PRKN: variants seen among roughly 807,000 people sequenced by gnomAD.
PRKN encodes the protein E3 ubiquitin-protein ligase parkin.
In PRKN, 56 loss-of-function variants were observed where a neutral mutation model predicts 59.5. That is an observed-to-expected ratio of 0.94 (90% CI 0.76 to 1.18). The LOEUF is 1.18. Ranked by LOEUF, PRKN falls within the 50% of genes most tolerant of loss-of-function variation. PRKN has a pLI of 0.00. For missense variants in PRKN, 657 were observed against 596.4 expected (o/e 1.10, Z -1.06); for synonymous variants, 250 against 222.1 (o/e 1.13, Z -1.12).
At chr6:161,758,687 A>T (rs1789055920) in intron 7 of PRKN, among the ~76,000 whole-genome samples, 1 of 152,144 alleles carries the variant, frequency 6.6e-6, no homozygotes, top group African/African-American at 2.4e-5. Flanking sequence ...AATATAAACC[A>T]ACATTAGCCA....
At chr6:162,413,278 C>T (rs2128155612) in intron 2 of PRKN, among the ~76,000 whole-genome samples, 1 of 152,260 alleles carries the variant, frequency 6.6e-6, no homozygotes. Context: ...GAAGCCCCAT[C>T]AGCTTCAGAC....
At chr6:161,511,344 T>G (rs1393661018) in intron 9 of PRKN, among the ~76,000 whole-genome samples, 1 of 152,196 alleles carries the variant, frequency 6.6e-6, no homozygotes, top group Non-Finnish European at 1.5e-5. Context: ...TTTAAACTTT[T>G]GCAACAAAAT....
chr6:161,840,293 C>A (rs1192590706), intron 6 of PRKN, among the ~76,000 whole-genome samples: 3 of 152,186 alleles, frequency 2.0e-5, no homozygotes, highest in Non-Finnish European at 4.4e-5. Flanking sequence ...GTTGTGGGGC[C>A]CTGCGTGTTT....
At chr6:162,405,654 C>T (rs1057047975) in intron 2 of PRKN, among the ~76,000 whole-genome samples, 1 of 152,050 alleles carries the variant, frequency 6.6e-6, no homozygotes, top group East Asian at 1.9e-4. Flanking sequence ...AGGGTGGACC[C>T]GAATCTAATC....
At chr6:162,335,194 C>CT (rs200467030) in intron 2 of PRKN, among the ~76,000 whole-genome samples, 351 of 143,968 alleles carry the variant, frequency 2.4e-3, no homozygotes, top group Admixed American at 3.5e-3. Flanking sequence ...TTTTCTTTTT[C>CT]TTTTTTTTTT....
intron 7 of PRKN, among the ~76,000 whole-genome samples, chr6:161,729,321 A>G (rs1787577924): frequency 6.6e-6 from 1 of 152,340 alleles, no homozygotes; most frequent in South Asian, 2.1e-4. Context: ...AATTAAGGGG[A>G]AAAAAGTCAA....
chr6:162,187,763 C>T (rs1278674832), intron 4 of PRKN, among the ~76,000 whole-genome samples: 2 of 152,136 alleles, frequency 1.3e-5, no homozygotes, highest in African/African-American at 4.8e-5. Context: ...AACAAAAATG[C>T]TATCTGCCAG....
At chr6:162,055,848 T>C (rs1047115947) in intron 4 of PRKN, among the ~76,000 whole-genome samples, 28 of 151,904 alleles carry the variant, frequency 1.8e-4, no homozygotes, top group Non-Finnish European at 4.4e-5. Context: ...CTGAGGAAAA[T>C]GCCGTGGGAG....
intron 6 of PRKN, among the ~76,000 whole-genome samples, chr6:161,869,571 C>G (rs1794261139): frequency 6.6e-6 from 1 of 152,050 alleles, no homozygotes; most frequent in Non-Finnish European, 1.5e-5. Flanking sequence ...ACGAATGCAT[C>G]ACCTAGAAGC....
intron 1 of PRKN, among the ~76,000 whole-genome samples, chr6:162,699,178 T>C (rs978639083): frequency 1.1e-4 from 16 of 152,194 alleles, no homozygotes; most frequent in Non-Finnish European, 2.4e-4. Flanking sequence ...ATATTGACTA[T>C]TTGGTGCCTA....
chr6:162,638,136 T>C (rs921698670), intron 1 of PRKN, among the ~76,000 whole-genome samples: 6 of 152,180 alleles, frequency 3.9e-5, no homozygotes, highest in Non-Finnish European at 8.8e-5. Context: ...GATAATGTAA[T>C]TCCTCTATGT....
In PRKN at chr6:162,341,193, A is replaced by G. The variant is rs142711055; in HGVS notation, c.172-78428T>C. ...ACTGGTCATTAGAGAAATGCAAATC[A>G]AAACCACAGTGAGATACCATCTCAT... On this transcript the variant is annotated intron_variant, in intron 2 of 11. Transcript: ENST00000366898. Among the ~76,000 whole-genome samples, 92 of 152,328 alleles carry G rather than the reference A, an allele frequency of 6.0e-4. No individual in the cohort carries two copies. The East Asian group carries it at 0.015, about 25-fold the overall frequency.
In PRKN at chr6:162,501,598, C is replaced by T. The variant is rs564368138; in HGVS notation, c.8-58125G>A. ...TTCAAACTCCTGACCTCAAGTGATC[C>T]GCCCTCCTTGGCCTCCCAAAGTGCT... is the stretch of plus-strand genomic sequence containing the variant. On this transcript the variant is annotated intron_variant, in intron 1 of 11. Coordinates refer to ENST00000366898, the MANE Select transcript of PRKN (RefSeq NM_004562.3). Among the ~76,000 whole-genome samples the T allele has an allele frequency of 5.7e-3, 862 of 151,730 alleles. 11 individuals are homozygous for T. Among genetic ancestry groups the T allele is most frequent in the African/African-American group, 0.02 (815 of 41,360 alleles).
At chr6:162,714,583 T>C (rs145574192) in intron 1 of PRKN, among the ~76,000 whole-genome samples, 11 of 152,292 alleles carry the variant, frequency 7.2e-5, no homozygotes, top group Non-Finnish European at 1.0e-4. Context: ...TAGAATTAAA[T>C]TGAAATGATT....
At chr6:161,860,475 G>T (rs987291470) in intron 6 of PRKN, among the ~76,000 whole-genome samples, 1 of 152,090 alleles carries the variant, frequency 6.6e-6, no homozygotes. Flanking sequence ...TTGCGATCTC[G>T]CACTCACTTT....
intron 1 of PRKN, among the ~76,000 whole-genome samples, chr6:162,450,426 T>TTGTAATCCCCCTGTGAA (rs1790569183): frequency 8.3e-6 from 1 of 121,072 alleles, no homozygotes; most frequent in African/African-American, 5.1e-5. Flanking sequence ...ACCCCTGTGA[T>TTGTAATCCCCCTGTGAA]TGTCTTCCTC....
At chr6:162,662,154 G>A (rs913189195) in intron 1 of PRKN, among the ~76,000 whole-genome samples, 9 of 151,696 alleles carry the variant, frequency 5.9e-5, no homozygotes, top group East Asian at 1.9e-4. Context: ...TTGCTGGATC[G>A]AATGATAGTT....
At chr6:161,707,615 T>C (rs1376368764) in intron 7 of PRKN, among the ~76,000 whole-genome samples, 1 of 152,238 alleles carries the variant, frequency 6.6e-6, no homozygotes, top group Non-Finnish European at 1.5e-5. Flanking sequence ...TAAAAAATTC[T>C]TAGTAGTATC....
intron 6 of PRKN, among the ~76,000 whole-genome samples, chr6:161,870,844 A>G (rs1482849394): frequency 1.3e-5 from 2 of 152,144 alleles, no homozygotes; most frequent in Non-Finnish European, 2.9e-5. Context: ...GTTATGAAGA[A>G]TGTTTTTAGA....
Sources: gnomAD v4.1 joint callset for allele counts (sites outside exome capture counted in the v4.1 genomes callset) on GRCh38, gnomAD v4.1.1 for gene constraint, MANE v1.5 for transcripts, NCBI Gene and HGNC (gene_info 2026-07-23, HGNC 2026-07-21) for gene names.